Variants in PHKA2 observed in about 807,000 individuals in gnomAD.
PHKA2 encodes phosphorylase b kinase regulatory subunit alpha, liver isoform.
A neutral mutation model predicts 102.0 loss-of-function variants in PHKA2; 31 were observed. That is an observed-to-expected ratio of 0.30 (90% CI 0.23 to 0.41). The LOEUF (loss-of-function observed/expected upper bound fraction) is 0.41, where lower values mean the gene tolerates loss of function less well. Ranked by LOEUF, PHKA2 falls within the 10% of genes least tolerant of loss-of-function variation. The pLI is 1.00. For synonymous variants in PHKA2, 455 were observed against 416.2 expected (o/e 1.09, Z -1.13); for missense variants, 858 against 1,023.1 (o/e 0.84, Z 2.20).
chrX:18,919,561 T>C (rs2048078631), intron 18 of PHKA2, among the ~76,000 whole-genome samples: 2 of 108,654 alleles, frequency 1.8e-5, no homozygotes, highest in Admixed American at 2.0e-4. Context: ...AAGAATTAGC[T>C]GGGTATGGTG....
intron 13 of PHKA2, 66 bp downstream of exon 13, chrX:18,929,162 A>G: frequency 1.3e-6 from 1 of 780,221 alleles, no homozygotes; most frequent in African/African-American, 2.1e-5. Flanking sequence ...AAACTAGGCA[A>G]CAATTTGAAT....
chrX:18,908,894 C>G lies in PHKA2; in HGVS notation c.2267G>C (p.Gly756Ala). The G allele has an allele frequency of 8.3e-7, 1 of 1,209,076 alleles. No homozygotes were observed. Among genetic ancestry groups the G allele is most frequent in the Non-Finnish European group, 1.1e-6 (1 of 893,112 alleles). Residue 756 changes from glycine (G) to alanine (A), a missense_variant, in exon 21 of 33, where the codon GGT becomes GCT. By Grantham distance (60) the Gly-to-Ala change is moderately conservative (BLOSUM62 0). This residue lies in a region of PHKA2 where 671 missense variants were observed against 745.2 expected (regional missense o/e 0.90). Coordinates refer to ENST00000379942, the MANE Select transcript of PHKA2 (RefSeq NM_000292.3). The part of the protein sequence containing the change: ...SDFQWPRDDH[G>A]DVDCEKLVEQ... ...AACCAGCTTCTCACAGTCCACGTCA[C>G]CATGGTCATCTCTGGGCCACTGAAA...
intron 7 of PHKA2, among the ~76,000 whole-genome samples, chrX:18,942,783 G>A (rs1003292963): frequency 9.2e-6 from 1 of 108,416 alleles, no homozygotes; most frequent in Non-Finnish European, 1.9e-5. Flanking sequence ...AGTAGTTTGA[G>A]GTTACAGGGA....
chrX:18,959,454 G>A (rs1445152383), intron 1 of PHKA2, among the ~76,000 whole-genome samples: 1 of 111,380 alleles, frequency 9.0e-6, no homozygotes, highest in East Asian at 2.8e-4. Context: ...AAAGTTTGGG[G>A]TGCCCTCTTT....
At chrX:18,932,004 G>A (rs2048324151) in intron 11 of PHKA2, among the ~76,000 whole-genome samples, 1 of 112,289 alleles carries the variant, frequency 8.9e-6, no homozygotes, top group African/African-American at 3.2e-5. Flanking sequence ...CACGAGCACC[G>A]GATGCCTGGC....
rs2048198638 is a variant in PHKA2, at chrX:18,925,706, A to G, written c.1531T>C (p.Tyr511His). Reference sequence around the variant, plus strand: ...GTAAAGATTTGGTTCCTAATCACATATAGTTTAGAGGTTCCAAGGACACCA... The same window carrying G: ...GTAAAGATTTGGTTCCTAATCACATGTAGTTTAGAGGTTCCAAGGACACCA... ...HIGVLGTSKL[Y>H]VIRNQIFTFT... The change falls in exon 15 of 33, where the codon TAT becomes CAT. Residue 511 changes from tyrosine (Y) to histidine (H), a missense_variant. By Grantham distance (83) the Tyr-to-His change is moderately conservative (BLOSUM62 2). This residue lies in a region of PHKA2 where 671 missense variants were observed against 745.2 expected (regional missense o/e 0.90). Transcript: ENST00000379942. 1.7e-6 allele frequency: 2 copies of G among 1,194,566 alleles called. No homozygotes were observed. Among genetic ancestry groups the G allele is most frequent in the Non-Finnish European group, 2.3e-6 (2 of 879,795 alleles).
intron 17 of PHKA2, among the ~76,000 whole-genome samples, chrX:18,921,756 C>T (rs985830640): frequency 9.9e-5 from 11 of 110,970 alleles, no homozygotes; most frequent in Admixed American, 8.7e-4. Flanking sequence ...AGGCCGGGTT[C>T]TGGGTTCACA....
intron 26 of PHKA2, among the ~76,000 whole-genome samples, chrX:18,903,955 C>T (rs911518037): frequency 8.9e-6 from 1 of 111,950 alleles, no homozygotes; most frequent in Non-Finnish European, 1.9e-5. Context: ...CCTCAACTCC[C>T]GGCCACCTGC....
chrX:18,907,055 C>T lies in PHKA2; in HGVS notation c.2560G>A (p.Gly854Ser). The change falls in exon 23 of 33, where the codon GGC (glycine) becomes AGC (serine). Residue 854 changes from glycine to serine, a missense_variant. Transcript: ENST00000379942. Reference protein sequence around the residue: ...LLSHQKQLTVGLPPEPREKII... With the variant: ...LLSHQKQLTVSLPPEPREKII... ...TTCTCCCGGGGCTCGGGCGGCAGGC[C>T]CACGGTGAGCTGCTTCTGGTGCGAA... 5 of 1,194,783 alleles carry T rather than the reference C, an allele frequency of 4.2e-6. No individual in the cohort carries two copies. The highest frequency in any genetic ancestry group is 2.3e-6 in the Non-Finnish European group (2 of 886,842).
intron 5 of PHKA2, among the ~76,000 whole-genome samples, chrX:18,946,846 T>C (rs919347151): frequency 4.3e-5 from 4 of 93,827 alleles, no homozygotes; most frequent in African/African-American, 1.6e-4. Flanking sequence ...CTATTCCATT[T>C]CGAGCCAGGT....
rs761002360 is a variant in PHKA2, at chrX:18,908,930, G to C, written c.2231C>G (p.Pro744Arg). Residue 744 changes from proline to arginine, a missense_variant, in exon 21 of 33, where the codon CCT becomes CGT. Around this residue, in one of 2 missense-constraint regions of PHKA2, gnomAD observed 671 missense variants for 745.2 expected, o/e 0.90. Coordinates refer to ENST00000379942, the MANE Select transcript of PHKA2 (RefSeq NM_000292.3). Reference sequence around the variant, plus strand: ...TCTGGGCCACTGAAAGTCACTTTCAGGAACCTGTTCATACAAGAGCCAGAA... The same window carrying C: ...TCTGGGCCACTGAAAGTCACTTTCACGAACCTGTTCATACAAGAGCCAGAA... Reference protein sequence around the residue: ...DSPQPLLEKVPESDFQWPRDD... With the variant: ...DSPQPLLEKVRESDFQWPRDD... 5.0e-6 allele frequency: 6 copies of C among 1,208,776 alleles called. No homozygotes were observed. Among genetic ancestry groups the C allele is most frequent in the Non-Finnish European group, 6.7e-6 (6 of 894,298 alleles).
chrX:18,911,604 C>T (rs969814595), intron 19 of PHKA2, among the ~76,000 whole-genome samples: 1 of 112,352 alleles, frequency 8.9e-6, no homozygotes, highest in African/African-American at 3.2e-5. Context: ...CCACCGTTCC[C>T]GGCCAATACT....
chrX:18,915,242 T>A (rs1231871295), intron 19 of PHKA2: 1 of 108,870 alleles, frequency 9.2e-6, no homozygotes, highest in African/African-American at 3.3e-5. Context: ...ACTTGGGAGG[T>A]TGAGGTAGGG....
chrX:18,939,047 C>T (rs369021750), intron 9 of PHKA2, among the ~76,000 whole-genome samples: 2 of 112,534 alleles, frequency 1.8e-5, no homozygotes, highest in South Asian at 3.7e-4. Context: ...TGATTTATAT[C>T]ATTATATTAG....
At chrX:18,928,329 A>C in intron 13 of PHKA2, among the ~76,000 whole-genome samples, 1 of 111,965 alleles carries the variant, frequency 8.9e-6, no homozygotes, top group African/African-American at 3.2e-5. Context: ...ATATCAGCTC[A>C]TCTCACCACA....
chrX:18,975,791 T>C (rs369378755), intron 1 of PHKA2, among the ~76,000 whole-genome samples: 29 of 110,565 alleles, frequency 2.6e-4, no homozygotes, highest in African/African-American at 8.9e-4. Context: ...ATGCTCCAAC[T>C]GCAGAAGCTT....
chrX:18,961,439 C>G (rs1156905452), intron 1 of PHKA2, among the ~76,000 whole-genome samples: 1 of 110,498 alleles, frequency 9.0e-6, no homozygotes, highest in Non-Finnish European at 1.9e-5. Context: ...GCGGGTGGAT[C>G]ATGAGGTCAG....
At chrX:18,905,645 A>T in intron 26 of PHKA2, 113 bp downstream of exon 26, 1 of 578,804 alleles carries the variant, frequency 1.7e-6, no homozygotes, top group Non-Finnish European at 3.1e-6. Flanking sequence ...CATCTCCTTC[A>T]GGTAGGAGCC....
chrX:18,899,888 C>T (rs922284804), intron 28 of PHKA2, among the ~76,000 whole-genome samples: 1 of 111,684 alleles, frequency 9.0e-6, no homozygotes, highest in African/African-American at 3.3e-5. Context: ...AGCTAGGTGA[C>T]TCTAAGCCCA....
Sources: allele counts gnomAD v4.1 joint callset (sites outside exome capture counted in the v4.1 genomes callset), GRCh38; gene constraint gnomAD v4.1.1; regional missense constraint gnomAD v4.1.1; transcripts MANE v1.5; gene names NCBI Gene and HGNC (gene_info 2026-07-23, HGNC 2026-07-21).